SPRY3: variants seen among roughly 807,000 people sequenced by gnomAD.
SPRY3 encodes the protein sprouty RTK signaling antagonist 3.
A neutral mutation model predicts 20.2 loss-of-function variants in SPRY3; 15 were observed. That is an observed-to-expected ratio of 0.74 (90% confidence interval 0.50 to 1.14). The LOEUF (loss-of-function observed/expected upper bound fraction) is 1.14, where lower values mean the gene tolerates loss of function less well. Among genes scored for constraint, SPRY3 ranks in the 50% most tolerant of loss-of-function variants. The probability of loss-of-function intolerance (pLI) is 0.00; values close to 1 mark genes in which losing one functional copy is unlikely to be tolerated. For synonymous variants in SPRY3, 143 were observed against 136.5 expected, an observed-to-expected ratio of 1.05 and a Z score of -0.33; for missense variants, 364 against 363.9, an observed-to-expected ratio of 1.00 and a Z score of 0.00.
At chrX:155,647,034 C>G (rs2067960145) in intron 1 of SPRY3, among the ~76,000 whole-genome samples, 1 of 111,661 alleles carries the variant, frequency 9.0e-6, no homozygotes, top group Non-Finnish European at 1.9e-5. Context: ...GCTTTTTCTG[C>G]CTCTGTTGAG....
chrX:155,693,293 T>C (rs2068109180), intron 2 of SPRY3, among the ~76,000 whole-genome samples: 1 of 111,996 alleles, frequency 8.9e-6, no homozygotes, highest in African/African-American at 3.2e-5. Context: ...TTCTGATGTA[T>C]ATTATTGATA....
intron 2 of SPRY3, among the ~76,000 whole-genome samples, chrX:155,717,127 C>T (rs2091028848): frequency 6.8e-6 from 1 of 147,838 alleles, no homozygotes; most frequent in Admixed American, 6.7e-5. Flanking sequence ...CCACTGCACT[C>T]CAGCCTGGGT....
At chrX:155,633,537 G>A (rs782018159) in intron 1 of SPRY3, among the ~76,000 whole-genome samples, 13 of 110,923 alleles carry the variant, frequency 1.2e-4, no homozygotes, top group Admixed American at 3.8e-4. Flanking sequence ...GCCATTTACC[G>A]TGGTGACAGC....
intron 2 of SPRY3, among the ~76,000 whole-genome samples, chrX:155,755,032 G>A (rs1174895091): frequency 1.3e-5 from 2 of 151,548 alleles, no homozygotes; most frequent in African/African-American, 4.8e-5. Context: ...ATATATAATT[G>A]CAAAAATAAT....
chrX:155,713,096 T>C (rs757177153), intron 2 of SPRY3, among the ~76,000 whole-genome samples: 1 of 151,948 alleles, frequency 6.6e-6, no homozygotes, highest in Admixed American at 6.5e-5. Context: ...ATTTAATCTT[T>C]CTTTTTTTAA....
chrX:155,710,325 C>A (rs1455814740), intron 2 of SPRY3, among the ~76,000 whole-genome samples: 1 of 151,588 alleles, frequency 6.6e-6, no homozygotes, highest in Non-Finnish European at 1.5e-5. Context: ...TTTGTGCGTA[C>A]TCTTCAATTT....
chrX:155,649,150 C>A (rs1557352127), intron 1 of SPRY3, among the ~76,000 whole-genome samples: 1 of 111,271 alleles, frequency 9.0e-6, no homozygotes, highest in Non-Finnish European at 1.9e-5. Flanking sequence ...CAAAAAAAGC[C>A]CAGGACCAGA....
chrX:155,721,715 C>A (rs2091059709), intron 2 of SPRY3, among the ~76,000 whole-genome samples: 1 of 151,838 alleles, frequency 6.6e-6, no homozygotes, highest in Non-Finnish European at 1.5e-5. Flanking sequence ...CAAAAATTAT[C>A]CTTCGAACAT....
intron 2 of SPRY3, among the ~76,000 whole-genome samples, chrX:155,666,702 A>C (rs782738457): frequency 1.8e-5 from 2 of 111,452 alleles, no homozygotes; most frequent in Middle Eastern, 4.6e-3. Context: ...TGATGAGCTT[A>C]TTTTGGATTT....
chrX:155,768,251 CTTG>C (rs1204564285), intron 3 of SPRY3, 115 bp downstream of exon 2: 14 of 151,440 alleles, frequency 9.2e-5, no homozygotes, highest in African/African-American at 3.4e-4. Flanking sequence ...GTGCCGCGCG[CTTG>C]GGCGCGCGCG....
At chrX:155,642,181 T>G (rs2067944079) in intron 1 of SPRY3, among the ~76,000 whole-genome samples, 1 of 111,663 alleles carries the variant, frequency 9.0e-6, no homozygotes, top group African/African-American at 3.3e-5. Flanking sequence ...GTTATTGGTC[T>G]GTTCAGGTTT....
In SPRY3 at chrX:155,738,234, T is replaced by G. The variant is rs919147426; in HGVS notation, c.-281-29728T>G. ...AAAAAATGCACTGGGAAAAAGATGT[T>G]AAGAGGATGAAAAAACAAGGTGCAG... On this transcript the variant is annotated intron_variant, in intron 2 of 3. Transcript: ENST00000675360. Among the ~76,000 whole-genome samples, 90 of 151,678 alleles carry G rather than the reference T, an allele frequency of 5.9e-4. 1 individual carries two copies. The highest frequency in any genetic ancestry group is 1.6e-3 in the Admixed American group (25 of 15,216).
intron 2 of SPRY3, among the ~76,000 whole-genome samples, chrX:155,672,077 G>A (rs1557354812): frequency 1.8e-5 from 2 of 111,644 alleles, no homozygotes; most frequent in Non-Finnish European, 3.8e-5. Context: ...AAGTCAGGTA[G>A]CATGATGCCT....
At chrX:155,721,476 C>T (rs942046566) in intron 2 of SPRY3, among the ~76,000 whole-genome samples, 3 of 151,914 alleles carry the variant, frequency 2.0e-5, no homozygotes, top group African/African-American at 7.3e-5. Context: ...GAAGATTTAA[C>T]CCAAAGAAGA....
At position 155,747,943 on chromosome X, in the gene SPRY3, C is replaced by A. The variant is rs189179492; in HGVS notation, c.-281-20019C>A. On this transcript the variant is annotated intron_variant, in intron 2 of 3. Transcript: ENST00000675360. ...TGCTCTAAAAATGTCTAAATACTTA[C>A]CATTTGTATACTTGATCAGTATAAT... is the stretch of plus-strand genomic sequence containing the variant. Among the ~76,000 whole-genome samples the A allele has an allele frequency of 3.3e-5, 5 of 151,916 alleles. No homozygotes were observed. The East Asian group carries it at 7.7e-4, about 24-fold the overall frequency.
At chrX:155,762,166 C>T (rs1298812240) in intron 2 of SPRY3, among the ~76,000 whole-genome samples, 1 of 152,136 alleles carries the variant, frequency 6.6e-6, no homozygotes. Flanking sequence ...GACCAAGTGT[C>T]AGGAGACTTG....
exon 4 of SPRY3, chrX:155,774,533 G>A (rs748214599): frequency 1.4e-5 from 22 of 1,613,944 alleles, no homozygotes; most frequent in Middle Eastern, 1.7e-4. Context: ...TGCTTTGTCC[G>A]CTGGGCAGCC....
At chrX:155,771,685 G>C (rs1342356462) in intron 3 of SPRY3, among the ~76,000 whole-genome samples, 1 of 152,032 alleles carries the variant, frequency 6.6e-6, no homozygotes, top group Admixed American at 6.6e-5. Flanking sequence ...TTTTTTATTT[G>C]GGTGTCTACA....
intron 2 of SPRY3, among the ~76,000 whole-genome samples, chrX:155,754,376 C>G (rs941705733): frequency 1.3e-5 from 2 of 151,950 alleles, no homozygotes; most frequent in African/African-American, 4.8e-5. Context: ...TGTGCTGACT[C>G]CCTTGTAGAA....
Sources: gnomAD v4.1 joint callset for allele counts (sites outside exome capture counted in the v4.1 genomes callset) on GRCh38, gnomAD v4.1.1 for gene constraint, MANE v1.5 for transcripts, NCBI Gene and HGNC (gene_info 2026-07-23, HGNC 2026-07-21) for gene names.